Variants in ACIN1 observed in about 807,000 individuals in gnomAD.
ACIN1 encodes apoptotic chromatin condensation inducer 1.
A neutral mutation model predicts 146.6 loss-of-function variants in ACIN1; 16 were observed. The observed-to-expected ratio is 0.11, with a 90% CI of 0.07 to 0.17. The LOEUF (loss-of-function observed/expected upper bound fraction) is 0.17, where lower values mean the gene tolerates loss of function less well. Among genes scored for constraint, ACIN1 ranks in the 10% least tolerant of loss-of-function variants. ACIN1 has a pLI of 1.00. For missense variants in ACIN1, 1,357 were observed against 1,609.3 expected (o/e 0.84, Z 2.68); for synonymous variants, 569 against 582.7 (o/e 0.98, Z 0.34).
At chr14:23,077,091 C>A (rs1382156755) in intron 8 of ACIN1, among the ~76,000 whole-genome samples, 1 of 152,148 alleles carries the variant, frequency 6.6e-6, no homozygotes, top group East Asian at 1.9e-4. Flanking sequence ...CAAGGGTATA[C>A]CCCCAGGTAA....
chr14:23,066,352 C>G (rs1420040950), intron 9 of ACIN1: 2 of 181,274 alleles, frequency 1.1e-5, no homozygotes, highest in Admixed American at 6.1e-5. Context: ...GGTCATACCC[C>G]CTCTTTCACC....
At chr14:23,064,081 G>A in intron 12 of ACIN1, 24 bp downstream of exon 12, 1 of 1,613,248 alleles carries the variant, frequency 6.2e-7, no homozygotes, top group East Asian at 2.2e-5. Flanking sequence ...CCTTTCCCCT[G>A]ACACTGGGGT....
At chr14:23,095,404 C>G (rs528149614), upstream of ACIN1, 10 of 1,291,918 alleles carry the variant, frequency 7.7e-6, no homozygotes, top group African/African-American at 1.5e-4. Flanking sequence ...AAACCCTCGA[C>G]CCTGGTATAA....
At chr14:23,090,686 C>T in intron 2 of ACIN1, 53 bp from the exon 3 acceptor site, 2 of 1,380,826 alleles carry the variant, frequency 1.4e-6, no homozygotes, top group South Asian at 2.4e-5. Context: ...CAGGAGAATG[C>T]AAAGAAGAAC....
Position 23,067,337 on chromosome 14 carries a change from C to T in ACIN1, c.2266-1329G>A, listed in dbSNP as rs2047490359. On this transcript the variant is annotated intron_variant, in intron 9 of 18. Transcript: ENST00000605057. The surrounding 1 kb of genome is among the most constrained non-coding windows in gnomAD (Gnocchi z 4.6). ...ACCTGGGATCTTCAGTTCAGCCAATCGCACCTCACTGTGTACTGTATCTAG... is the reference window on the plus strand; with the variant it reads ...ACCTGGGATCTTCAGTTCAGCCAATTGCACCTCACTGTGTACTGTATCTAG... 2.0e-6 allele frequency: 2 copies of T among 985,668 alleles called. No individual in the cohort carries two copies. The highest frequency in any genetic ancestry group is 2.4e-6 in the Non-Finnish European group (2 of 829,922). The allele number at this position is 985,668 out of a possible 1,614,324, so 61.1% of individuals were successfully genotyped here.
Position 23,079,766 on chromosome 14 carries a change from G to A in ACIN1, c.1569C>T (p.Ser523=), listed in dbSNP as rs2140151573. 1 of 1,614,182 alleles carries A rather than the reference G, an allele frequency of 6.2e-7. No homozygotes were observed. The highest frequency in any genetic ancestry group is 1.7e-5 in the Admixed American group (1 of 60,014). The change falls in exon 6 of 19, where the codon TCC becomes TCT. Residue 523 remains serine, a synonymous_variant. Transcript: ENST00000605057. ...TAGAACTGGAGGAGGAAGATGAGGAGGACCGGCTAGAGGATGAATCAGCTG... is the reference window on the plus strand; with the variant it reads ...TAGAACTGGAGGAGGAAGATGAGGAAGACCGGCTAGAGGATGAATCAGCTG... ...KQSADSSSSR[S]SSSSSSSSRS...
chr14:23,071,173 C>T (rs1171593775), intron 8 of ACIN1: 2 of 1,547,448 alleles, frequency 1.3e-6, no homozygotes, highest in South Asian at 1.2e-5. Flanking sequence ...CCTGGAAGTG[C>T]TGTTTATCCC....
chr14:23,077,887 A>G (rs2047840625), intron 8 of ACIN1: 1 of 236,728 alleles, frequency 4.2e-6, no homozygotes, highest in Non-Finnish European at 8.2e-6. Flanking sequence ...AGAAGCTTCT[A>G]TTGCCTAAAT....
Position 23,063,462 on chromosome 14 carries a change from G to A in ACIN1, c.2711C>T (p.Pro904Leu), listed in dbSNP as rs149423370. Reference sequence around the variant, plus strand: ...TTTCTTTACTTCATGCTCTGCAGGTGGGGGCAAGGCCACCTCTACTGACAC... The same window carrying A: ...TTTCTTTACTTCATGCTCTGCAGGTAGGGGCAAGGCCACCTCTACTGACAC... ...PQVSVEVALP[P>L]PAEHEVKKVT... The change falls in exon 13 of 19, where the codon CCA (proline) becomes CTA (leucine). Residue 904 changes from proline to leucine, a missense_variant. Transcript: ENST00000605057. The A allele has an allele frequency of 1.9e-6, 3 of 1,614,138 alleles. No homozygotes were observed. The highest frequency in any genetic ancestry group is 1.7e-5 in the Admixed American group (1 of 60,016).
In ACIN1 at chr14:23,080,341, G is replaced by A. The variant is rs199825650; in HGVS notation, c.994C>T (p.Pro332Ser). 6.2e-7 allele frequency: 1 copy of A among 1,614,214 alleles called. No homozygotes were observed. The highest frequency in any genetic ancestry group is 8.5e-7 in the Non-Finnish European group (1 of 1,180,030). The change falls in exon 6 of 19, where the codon CCT (proline) becomes TCT (serine). Residue 332 changes from proline to serine, a missense_variant. Coordinates refer to ENST00000605057, the MANE Select transcript of ACIN1 (RefSeq NM_001386863.1). ...TTCTTTCGATCTTCAGTCAGTCGAG[G>A]AGGGGAAGGAGACTTCGATTTTTCC... is the stretch of plus-strand genomic sequence containing the variant. ...LKEKSKSPSP[P>S]RLTEDRKKAS...
Position 23,067,276 on chromosome 14 carries a change from C to G in ACIN1, c.2266-1268G>C. 1 of 982,638 alleles carries G rather than the reference C, an allele frequency of 1.0e-6. No homozygotes were observed. The highest frequency in any genetic ancestry group is 4.7e-5 in the South Asian group (1 of 21,200). The allele number at this position is 982,638 out of a possible 1,614,324, so 60.9% of individuals were successfully genotyped here. ...AGAAGAAAATAAAGAAGAAAATAAA[C>G]TAGGAATATGACAAATGTTCCAGGT... On this transcript the variant is annotated intron_variant, in intron 9 of 18. Coordinates refer to ENST00000605057, the MANE Select transcript of ACIN1 (RefSeq NM_001386863.1). The surrounding 1 kb of genome is among the most constrained non-coding windows in gnomAD (Gnocchi z 4.6).
chr14:23,094,633 C>A, intron 1 of ACIN1: 1 of 901,812 alleles, frequency 1.1e-6, no homozygotes, highest in Non-Finnish European at 1.4e-6. Context: ...GCCAGCAACG[C>A]CGTAGGTTGT....
chr14:23,070,297 A>G (rs2047595424), intron 8 of ACIN1, among the ~76,000 whole-genome samples: 1 of 152,100 alleles, frequency 6.6e-6, no homozygotes, highest in Admixed American at 6.5e-5. Flanking sequence ...AAAAGGAAAA[A>G]TTAAAACTGC....
intron 8 of ACIN1, among the ~76,000 whole-genome samples, chr14:23,075,759 C>A (rs1178842652): frequency 6.6e-6 from 1 of 151,122 alleles, no homozygotes; most frequent in Non-Finnish European, 1.5e-5. Context: ...GGCTGGAGTG[C>A]AATGGCGTGA....
Position 23,078,393 on chromosome 14 carries a change from G to C in ACIN1, c.2008-127C>G, listed in dbSNP as rs184242291. The C allele has an allele frequency of 1.7e-5, 11 of 639,456 alleles. No homozygotes were observed. The East Asian group carries it at 2.8e-4, about 16-fold the overall frequency. The allele number at this position is 639,456 out of a possible 1,614,324, so 39.6% of individuals were successfully genotyped here. A position where few individuals can be genotyped will look rare whatever the true frequency, so the allele number is the denominator to read the frequency against. On this transcript the variant is annotated intron_variant, in intron 7 of 18. Transcript: ENST00000605057. ...GTACCAGCTCCACACACGGCCCTCT[G>C]TATCTGTTATTTCATTTTAGAATAA...
At chr14:23,095,241 C>T (rs370441353), upstream of ACIN1, 1 of 1,610,708 alleles carries the variant, frequency 6.2e-7, no homozygotes, top group African/African-American at 1.3e-5. Flanking sequence ...CCACTCAGAA[C>T]TCCCCGGGTT....
chr14:23,064,438 G>C lies in ACIN1; in HGVS notation c.2359C>G (p.Pro787Ala), dbSNP rs1054262808. ...AGNSDTEGGQPGRKRRWGAST... is the reference protein window; with the variant it reads ...AGNSDTEGGQAGRKRRWGAST... ...GCTCCCCAGCGTCGTTTCCGACCAG[G>C]CTGGCCCCCCTCTGTGTCACTGTTT... is the stretch of plus-strand genomic sequence containing the variant. Residue 787 changes from proline to alanine, a missense_variant, in exon 11 of 19, where the codon CCT becomes GCT. By Grantham distance (27) the Pro-to-Ala change is conservative. Coordinates refer to ENST00000605057, the MANE Select transcript of ACIN1 (RefSeq NM_001386863.1). 1.2e-6 allele frequency: 2 copies of C among 1,614,272 alleles called. No homozygotes were observed. The highest frequency in any genetic ancestry group is 1.7e-5 in the Admixed American group (1 of 60,032).
intron 2 of ACIN1, 101 bp from the exon 3 acceptor site, chr14:23,090,734 C>A: frequency 3.7e-6 from 3 of 808,440 alleles, no homozygotes; most frequent in African/African-American, 1.7e-5. Flanking sequence ...ATAGTTGCGC[C>A]CAAGAAAGAT....
intron 14 of ACIN1, 159 bp from the exon 15 acceptor site, chr14:23,062,682 G>A: frequency 1.3e-6 from 1 of 779,594 alleles, no homozygotes; most frequent in South Asian, 1.7e-5. Flanking sequence ...GAGTGGTGGT[G>A]CTTCCCAGCA....
Sources: allele counts gnomAD v4.1 joint callset (sites outside exome capture counted in the v4.1 genomes callset), GRCh38; gene constraint gnomAD v4.1.1; non-coding constraint Gnocchi (gnomAD v3.1); transcripts MANE v1.5; gene names NCBI Gene and HGNC (gene_info 2026-07-23, HGNC 2026-07-21).